Variants in RUFY1 observed in about 807,000 individuals in gnomAD.
RUFY1 encodes the protein RUN and FYVE domain containing 1.
RUFY1 carries 54 observed loss-of-function variants against 94.6 expected under a neutral mutation model. The observed-to-expected ratio is 0.57, with a 90% confidence interval of 0.46 to 0.72. The LOEUF (loss-of-function observed/expected upper bound fraction) is 0.72, where lower values mean the gene tolerates loss of function less well. RUFY1 is among the 30% of genes least tolerant of loss of function. The probability of loss-of-function intolerance (pLI) is 0.00; values close to 1 mark genes in which losing one functional copy is unlikely to be tolerated. For missense variants in RUFY1, 883 were observed against 883.9 expected (o/e 1.00, Z 0.01); for synonymous variants, 396 against 347.3 (o/e 1.14, Z -1.56).
At chr5:179,596,776 A>T in intron 13 of RUFY1, 95 bp downstream of exon 13, 94 of 46,294 alleles carry the variant, frequency 2.0e-3, no homozygotes, top group Non-Finnish European at 2.5e-3. Context: ...CACGAACGGG[A>T]GGAGGGGGGG....
At chr5:179,559,841 G>C (rs910245362) in intron 1 of RUFY1, 184 bp from the exon 2 acceptor site, 3 of 1,374,606 alleles carry the variant, frequency 2.2e-6, no homozygotes, top group African/African-American at 2.9e-5. Context: ...TCCAGGTAGG[G>C]GGCTGTGGCC....
At chr5:179,577,801 G>A (rs1763766712) in intron 6 of RUFY1, among the ~76,000 whole-genome samples, 2 of 150,778 alleles carry the variant, frequency 1.3e-5, no homozygotes, top group African/African-American at 4.9e-5. Flanking sequence ...AGTTGGATGT[G>A]CGCACATCGG....
chr5:179,589,561 G>A lies in RUFY1; in HGVS notation c.1042G>A (p.Asp348Asn), dbSNP rs1562053361. 1 of 1,613,796 alleles carries A rather than the reference G, an allele frequency of 6.2e-7. No homozygotes were observed. Among genetic ancestry groups the A allele is most frequent in the South Asian group, 1.1e-5 (1 of 91,042 alleles). The change falls in exon 9 of 18, where the codon GAC (aspartate) becomes AAC (asparagine). Residue 348 changes from aspartate (D) to asparagine (N), a missense_variant. By Grantham distance (23) the Asp-to-Asn change is conservative. Transcript: ENST00000319449. ...CCTTAATCAGCTTTCAGCTGCAACA[G>A]ACCGAATTTGCTCACTTCAAGAAGA... ...KLQEELSAAT[D>N]RICSLQEEQQ...
At position 179,607,611 on chromosome 5, in the gene RUFY1, G is replaced by C; in HGVS notation, c.1935G>C (p.Ala645=). 1 of 1,614,254 alleles carries C rather than the reference G, an allele frequency of 6.2e-7. No individual in the cohort carries two copies. The highest frequency in any genetic ancestry group is 8.5e-7 in the Non-Finnish European group (1 of 1,180,040). The change falls in exon 17 of 18, where the codon GCG becomes GCC. Residue 645 remains alanine, a synonymous_variant. Coordinates refer to ENST00000319449, the MANE Select transcript of RUFY1 (RefSeq NM_025158.5). ...KGHAWLKDDE[A]THCRQCEKEF... ...ACGCCTGGCTGAAAGATGACGAAGC[G>C]ACACACTGTAGGCAGTGTGAGAAGG...
intron 1 of RUFY1, 151 bp downstream of exon 1, chr5:179,551,030 G>T (rs1379983584): frequency 1.5e-6 from 1 of 668,578 alleles, no homozygotes; most frequent in Non-Finnish European, 1.9e-6. Context: ...GCTGCGCCTG[G>T]GTCTTTACTC....
At chr5:179,564,420 G>GTTT (rs60186448) in intron 3 of RUFY1, among the ~76,000 whole-genome samples, 5 of 123,650 alleles carry the variant, frequency 4.0e-5, no homozygotes, top group South Asian at 2.6e-4. Flanking sequence ...GTGCCTGGCT[G>GTTT]TTTTTTTTTT....
rs568557289 is a variant in RUFY1 at position 179,609,761 on chromosome 5, C to G, written c.*242C>G. ...ACTTGGTTACATCACGGCTCTGGTT[C>G]AGATACAACTTCATGATTTTGCTAC... On this transcript the variant is annotated 3_prime_UTR_variant, in exon 18 of 18. Coordinates refer to ENST00000319449, the MANE Select transcript of RUFY1 (RefSeq NM_025158.5). 1 of 433,556 alleles carries G rather than the reference C, an allele frequency of 2.3e-6. No individual in the cohort carries two copies. The highest frequency in any genetic ancestry group is 3.7e-5 in the East Asian group (1 of 26,914). The allele number at this position is 433,556 out of a possible 1,614,324, so 26.9% of individuals were successfully genotyped here.
chr5:179,598,880 T>C, intron 14 of RUFY1, 59 bp downstream of exon 14: 1 of 1,599,438 alleles, frequency 6.3e-7, no homozygotes, highest in Non-Finnish European at 8.5e-7. Flanking sequence ...ACCCCTAACA[T>C]GCTCCGGGCA....
At chr5:179,561,732 G>A (rs765747081) in intron 2 of RUFY1, among the ~76,000 whole-genome samples, 81 of 122,376 alleles carry the variant, frequency 6.6e-4, no homozygotes, top group Non-Finnish European at 1.2e-3. Flanking sequence ...CCCCAGGCTG[G>A]AGTGCAGTGG....
In RUFY1 at chr5:179,596,691, C is replaced by T; in HGVS notation, c.1631+10C>T. 2.6e-6 allele frequency: 4 copies of T among 1,518,278 alleles called. No homozygotes were observed. Among genetic ancestry groups the T allele is most frequent in the Non-Finnish European group, 3.5e-6 (4 of 1,127,756 alleles). 94.1% of individuals were successfully genotyped at this position (1,518,278 alleles called of 1,614,324 possible). A position where few individuals can be genotyped will look rare whatever the true frequency, so the allele number is the denominator to read the frequency against. ...AGCTGCACGAGCAATGGTAGGGGCCCTGCAGGGAGCCTGGGCTGGGGTGTG... is the reference window on the plus strand; with the variant it reads ...AGCTGCACGAGCAATGGTAGGGGCCTTGCAGGGAGCCTGGGCTGGGGTGTG... On this transcript the variant is annotated intron_variant, in intron 13 of 17. Transcript: ENST00000319449.
intron 8 of RUFY1, among the ~76,000 whole-genome samples, chr5:179,589,109 T>C (rs1394062832): frequency 9.2e-5 from 14 of 152,238 alleles, no homozygotes. Context: ...TAACCTTTTT[T>C]CCTTATTAGT....
chr5:179,575,321 A>G (rs1425643806), intron 5 of RUFY1, among the ~76,000 whole-genome samples: 1 of 152,022 alleles, frequency 6.6e-6, no homozygotes, highest in Non-Finnish European at 1.5e-5. Context: ...TGGGGCTGAA[A>G]TCACCTGAAG....
At chr5:179,602,108 G>A (rs766268390) in intron 15 of RUFY1, 122 bp downstream of exon 15, 17 of 744,692 alleles carry the variant, frequency 2.3e-5, no homozygotes, top group Non-Finnish European at 3.5e-5. Flanking sequence ...AGCTCAGTCC[G>A]CCGTTCACGG....
chr5:179,562,525 A>C (rs1762530304), intron 2 of RUFY1, 22 bp from the exon 3 acceptor site: 3 of 1,460,508 alleles, frequency 2.1e-6, no homozygotes, highest in Admixed American at 1.7e-5. Context: ...CTTATGAATA[A>C]CACTTTTGTT....
At chr5:179,566,829 C>A (rs1447463297) in intron 3 of RUFY1, among the ~76,000 whole-genome samples, 1 of 151,954 alleles carries the variant, frequency 6.6e-6, no homozygotes, top group East Asian at 1.9e-4. Context: ...GCCAAGGCAG[C>A]CTGATCACTT....
intron 13 of RUFY1, chr5:179,598,435 T>C (rs1264674271): frequency 2.0e-6 from 1 of 503,306 alleles, no homozygotes; most frequent in East Asian, 3.6e-5. Context: ...GCTTATGTGG[T>C]CTAAGTGTTC....
chr5:179,561,229 AAATT>A (rs1359720935), intron 2 of RUFY1, among the ~76,000 whole-genome samples: 87 of 111,862 alleles, frequency 7.8e-4, no homozygotes, highest in African/African-American at 1.5e-3. Context: ...ATAAATAAAT[AAATT>A]AATTAATTAA....
chr5:179,606,153 A>G, intron 16 of RUFY1: 1 of 577,558 alleles, frequency 1.7e-6, no homozygotes, highest in Non-Finnish European at 3.1e-6. Context: ...TTCCTCCACC[A>G]TCAGCTGTGC....
chr5:179,607,773 C>A, intron 17 of RUFY1, 114 bp downstream of exon 17: 1 of 870,684 alleles, frequency 1.1e-6, no homozygotes, highest in Non-Finnish European at 1.8e-6. Context: ...GGTGACTGTG[C>A]TGACTGTGGC....
Sources: allele counts gnomAD v4.1 joint callset (sites outside exome capture counted in the v4.1 genomes callset), GRCh38; gene constraint gnomAD v4.1.1; transcripts MANE v1.5; gene names NCBI Gene and HGNC (gene_info 2026-07-23, HGNC 2026-07-21).